FBXL17: variants seen among roughly 807,000 people sequenced by gnomAD.
FBXL17 encodes F-box and leucine rich repeat protein 17, also known as F-box/LRR-repeat protein 17.
A neutral mutation model predicts 66.2 loss-of-function variants in FBXL17; 22 were observed. The ratio of observed to expected loss-of-function variants is 0.33; its 90% CI spans 0.24 to 0.47. The LOEUF (loss-of-function observed/expected upper bound fraction) is 0.47. Ranked by LOEUF, FBXL17 falls within the 20% of genes least tolerant of loss-of-function variation. FBXL17 has a pLI of 1.00. For missense variants in FBXL17, 878 were observed against 948.2 expected (o/e 0.93, Z 0.97); for synonymous variants, 474 against 400.5 (o/e 1.18, Z -2.19).
intron 6 of FBXL17, among the ~76,000 whole-genome samples, chr5:108,072,320 A>G (rs1748365417): frequency 6.6e-6 from 1 of 152,238 alleles, no homozygotes; most frequent in African/African-American, 2.4e-5. Flanking sequence ...TTTACAAAAT[A>G]TTGTAAAAAT....
intron 6 of FBXL17, among the ~76,000 whole-genome samples, chr5:108,079,420 C>T (rs964165489): frequency 6.6e-6 from 1 of 151,968 alleles, no homozygotes; most frequent in African/African-American, 2.4e-5. Context: ...GATACAATTC[C>T]TGACTACTGA....
At chr5:108,154,066 T>G (rs1169709428) in intron 6 of FBXL17, among the ~76,000 whole-genome samples, 1 of 151,986 alleles carries the variant, frequency 6.6e-6, no homozygotes, top group African/African-American at 2.4e-5. Flanking sequence ...ACTCCTCAAA[T>G]CTGCTAACTG....
chr5:108,165,193 T>C (rs565318391), intron 6 of FBXL17, among the ~76,000 whole-genome samples: 1 of 152,312 alleles, frequency 6.6e-6, no homozygotes, highest in African/African-American at 2.4e-5. Context: ...ACTAACCTGT[T>C]AGAAATGGTG....
chr5:108,375,438 A>G (rs1749357144), intron 1 of FBXL17, among the ~76,000 whole-genome samples: 3 of 152,024 alleles, frequency 2.0e-5, no homozygotes, highest in Admixed American at 2.0e-4. Context: ...CTCAAATTTT[A>G]AAATCATGTA....
At chr5:108,178,237 G>A (rs1031412783) in intron 6 of FBXL17, among the ~76,000 whole-genome samples, 4 of 151,870 alleles carry the variant, frequency 2.6e-5, no homozygotes, top group African/African-American at 7.3e-5. Flanking sequence ...TTATAAAGAC[G>A]GGGTTTCACC....
chr5:107,882,993 A>G (rs1748840515), intron 7 of FBXL17, among the ~76,000 whole-genome samples: 1 of 152,174 alleles, frequency 6.6e-6, no homozygotes. Context: ...GGGTGGTAAA[A>G]TCACTGATGT....
At chr5:108,072,576 C>T (rs1403518864) in intron 6 of FBXL17, among the ~76,000 whole-genome samples, 5 of 152,102 alleles carry the variant, frequency 3.3e-5, no homozygotes, top group East Asian at 1.9e-4. Context: ...GGCGTGGTGG[C>T]GGGTGCCTGT....
intron 7 of FBXL17, among the ~76,000 whole-genome samples, chr5:107,973,416 TGG>T (rs1291336924): frequency 2.0e-5 from 3 of 150,126 alleles, no homozygotes; most frequent in Non-Finnish European, 4.4e-5. Flanking sequence ...ATTTTATGTG[TGG>T]CCCAAGACAA....
rs535372555 is a variant in FBXL17 at position 108,330,345 on chromosome 5, AT to A, written c.1506+18053del. Reference sequence around the variant, plus strand: ...TCGAGAAAAGCCAATCAGCTATACCATTTTATCTTTAAAAAATTATTTGATA... The same window carrying A: ...TCGAGAAAAGCCAATCAGCTATACCATTTATCTTTAAAAAATTATTTGATA... On this transcript the variant is annotated intron_variant, in intron 4 of 8. Transcript: ENST00000542267. 3.1e-3 allele frequency among the ~76,000 whole-genome samples: 468 copies of A among 152,300 alleles called. 3 individuals carry two copies. Among genetic ancestry groups the A allele is most frequent in the African/African-American group, 0.011 (442 of 41,566 alleles).
At chr5:108,168,529 T>C (rs1029963523) in intron 6 of FBXL17, among the ~76,000 whole-genome samples, 2 of 152,184 alleles carry the variant, frequency 1.3e-5, no homozygotes, top group African/African-American at 4.8e-5. Context: ...ATGTAGACTT[T>C]CCATTAATGG....
intron 4 of FBXL17, among the ~76,000 whole-genome samples, chr5:108,238,537 G>T (rs565782608): frequency 4.6e-5 from 7 of 152,262 alleles, no homozygotes; most frequent in Non-Finnish European, 8.8e-5. Context: ...GGGGAACAGG[G>T]TCTCATTCTG....
intron 7 of FBXL17, among the ~76,000 whole-genome samples, chr5:107,989,986 C>T (rs1753175564): frequency 6.6e-6 from 1 of 152,142 alleles, no homozygotes; most frequent in Non-Finnish European, 1.5e-5. Context: ...TCCCCTAACC[C>T]CTTTTCATTT....
intron 7 of FBXL17, among the ~76,000 whole-genome samples, chr5:107,955,243 C>T (rs1468306891): frequency 1.3e-5 from 2 of 151,884 alleles, no homozygotes; most frequent in African/African-American, 4.8e-5. Context: ...ACCATAAATT[C>T]AACACACATC....
intron 6 of FBXL17, among the ~76,000 whole-genome samples, chr5:108,140,153 C>A (rs1751296342): frequency 6.6e-6 from 1 of 152,172 alleles, no homozygotes; most frequent in Non-Finnish European, 1.5e-5. Context: ...TCAAGCAATC[C>A]TCCTGCCTCA....
At chr5:108,285,829 A>C (rs1478534605) in intron 4 of FBXL17, among the ~76,000 whole-genome samples, 2 of 151,744 alleles carry the variant, frequency 1.3e-5, no homozygotes, top group Non-Finnish European at 3.0e-5. Flanking sequence ...GTGACTCAAC[A>C]AAATAAAAAA....
intron 6 of FBXL17, among the ~76,000 whole-genome samples, chr5:108,162,501 C>G (rs1752254051): frequency 6.6e-6 from 1 of 152,028 alleles, no homozygotes; most frequent in East Asian, 1.9e-4. Flanking sequence ...AAAAAACAAA[C>G]AAACAAACAT....
At chr5:108,368,395 T>A (rs1412632504) in intron 1 of FBXL17, among the ~76,000 whole-genome samples, 2 of 152,012 alleles carry the variant, frequency 1.3e-5, no homozygotes, top group Non-Finnish European at 2.9e-5. Context: ...CATATGTGAT[T>A]TAAGAAAAAA....
chr5:107,923,255 C>T (rs1349073628), intron 7 of FBXL17, among the ~76,000 whole-genome samples: 3 of 152,106 alleles, frequency 2.0e-5, no homozygotes, highest in African/African-American at 7.2e-5. Flanking sequence ...TTCAGGAAAG[C>T]ACAAACTGGG....
chr5:107,905,204 G>A (rs1749715247), intron 7 of FBXL17, among the ~76,000 whole-genome samples: 1 of 152,108 alleles, frequency 6.6e-6, no homozygotes, highest in Non-Finnish European at 1.5e-5. Context: ...TCAATTTAGT[G>A]TGTAGCAACT....
Sources: gnomAD v4.1 joint callset for allele counts (sites outside exome capture counted in the v4.1 genomes callset) on GRCh38, gnomAD v4.1.1 for gene constraint, MANE v1.5 for transcripts, NCBI Gene and HGNC (gene_info 2026-07-23, HGNC 2026-07-21) for gene names.